Variants in CDH18 observed in about 807,000 individuals in gnomAD.
CDH18 encodes cadherin-18.
CDH18 carries 31 observed loss-of-function variants against 67.9 expected under a neutral mutation model. The ratio of observed to expected loss-of-function variants is 0.46; its 90% CI spans 0.34 to 0.62. The LOEUF (loss-of-function observed/expected upper bound fraction) is 0.62, where lower values mean the gene tolerates loss of function less well. Among genes scored for constraint, CDH18 ranks in the 20% least tolerant of loss-of-function variants. CDH18 has a pLI of 0.01. For missense variants in CDH18, 890 were observed against 975.5 expected (o/e 0.91, Z 1.17); for synonymous variants, 362 against 347.2 (o/e 1.04, Z -0.48).
chr5:20,542,739 C>A (rs1260101436), intron 1 of CDH18, among the ~76,000 whole-genome samples: 2 of 151,962 alleles, frequency 1.3e-5, no homozygotes, highest in African/African-American at 4.8e-5. Context: ...ATTTATGACA[C>A]CTCCAATATT....
chr5:20,150,638 GT>G (rs1751023641), intron 2 of CDH18, among the ~76,000 whole-genome samples: 1 of 151,902 alleles, frequency 6.6e-6, no homozygotes, highest in South Asian at 2.1e-4. Flanking sequence ...TATTTTTTAA[GT>G]TTTATATTTG....
At chr5:20,184,645 A>G (rs1737950864) in intron 2 of CDH18, among the ~76,000 whole-genome samples, 2 of 152,160 alleles carry the variant, frequency 1.3e-5, no homozygotes, top group African/African-American at 4.8e-5. Context: ...TACAGCAAGC[A>G]CTGTGTATTG....
intron 1 of CDH18, among the ~76,000 whole-genome samples, chr5:20,420,117 A>G (rs1035742010): frequency 6.6e-6 from 1 of 151,114 alleles, no homozygotes; most frequent in Non-Finnish European, 1.5e-5. Flanking sequence ...CAATGGCTGC[A>G]TTTTGTTGAA....
At chr5:20,233,159 A>AAT (rs958110312) in intron 2 of CDH18, among the ~76,000 whole-genome samples, 7 of 150,958 alleles carry the variant, frequency 4.6e-5, no homozygotes, top group South Asian at 2.1e-4. Context: ...TGTGTATCTG[A>AAT]ATATATATAT....
At chr5:19,766,866 G>C (rs1008971969) in intron 3 of CDH18, among the ~76,000 whole-genome samples, 8 of 152,088 alleles carry the variant, frequency 5.3e-5, no homozygotes, top group African/African-American at 1.9e-4. Flanking sequence ...TGATGCCAAA[G>C]AATGCCTTGT....
intron 1 of CDH18, among the ~76,000 whole-genome samples, chr5:20,472,645 CATCTGCCTGGGA>C: frequency 6.6e-6 from 1 of 152,340 alleles, no homozygotes; most frequent in Admixed American, 6.5e-5. Flanking sequence ...TTATATACCA[CATCTGCCTGGGA>C]ATCACCAGAA....
intron 2 of CDH18, among the ~76,000 whole-genome samples, chr5:20,242,361 C>T (rs1221505435): frequency 6.6e-6 from 1 of 151,308 alleles, no homozygotes; most frequent in African/African-American, 2.4e-5. Flanking sequence ...CAACATCTCC[C>T]TTTTCCCTGT....
chr5:19,987,792 G>A (rs1799720330), intron 1 of CDH18, among the ~76,000 whole-genome samples: 1 of 152,148 alleles, frequency 6.6e-6, no homozygotes, highest in Non-Finnish European at 1.5e-5. Context: ...CTTCTTCAGG[G>A]AAGACAACAG....
intron 1 of CDH18, among the ~76,000 whole-genome samples, chr5:20,387,918 C>T (rs1185232309): frequency 6.6e-6 from 1 of 152,034 alleles, no homozygotes; most frequent in Non-Finnish European, 1.5e-5. Context: ...GGATGAAGCC[C>T]ACTTGATCAT....
intron 10 of CDH18, among the ~76,000 whole-genome samples, chr5:19,509,063 T>G (rs1456229135): frequency 6.6e-6 from 1 of 151,936 alleles, no homozygotes; most frequent in East Asian, 1.9e-4. Flanking sequence ...GAAATGGGTT[T>G]TTGCTATGTT....
At chr5:19,521,588 C>G (rs938948875) in intron 9 of CDH18, among the ~76,000 whole-genome samples, 1 of 151,594 alleles carries the variant, frequency 6.6e-6, no homozygotes, top group Non-Finnish European at 1.5e-5. Context: ...TAACAACATA[C>G]AATACATTAA....
At chr5:19,720,364 G>A (rs535035953) in intron 5 of CDH18, among the ~76,000 whole-genome samples, 4 of 151,986 alleles carry the variant, frequency 2.6e-5, no homozygotes, top group African/African-American at 7.2e-5. Flanking sequence ...TGCATCTTGC[G>A]CTCAAGAAGG....
chr5:20,170,180 A>AC (rs1477006047), intron 2 of CDH18, among the ~76,000 whole-genome samples: 1 of 150,970 alleles, frequency 6.6e-6, no homozygotes, highest in Non-Finnish European at 1.5e-5. Flanking sequence ...CCCTCTTCTT[A>AC]CCCCACCCCC....
At chr5:20,362,741 G>A (rs1021434255) in intron 1 of CDH18, among the ~76,000 whole-genome samples, 12 of 152,010 alleles carry the variant, frequency 7.9e-5, no homozygotes, top group African/African-American at 2.7e-4. Flanking sequence ...CTTGTAGATC[G>A]ACTACCAACT....
intron 2 of CDH18, among the ~76,000 whole-genome samples, chr5:19,904,562 G>C (rs1248062708): frequency 2.6e-5 from 4 of 152,076 alleles, no homozygotes; most frequent in African/African-American, 4.8e-5. Flanking sequence ...CTCTTTATAC[G>C]TAAGTTCTTG....
chr5:20,148,709 C>T (rs1461986392), intron 2 of CDH18, among the ~76,000 whole-genome samples: 1 of 151,858 alleles, frequency 6.6e-6, no homozygotes, highest in East Asian at 1.9e-4. Flanking sequence ...GGTCTAAGGA[C>T]CATAAAACCT....
At chr5:19,899,680 A>G (rs577055378) in intron 2 of CDH18, among the ~76,000 whole-genome samples, 16 of 152,316 alleles carry the variant, frequency 1.1e-4, no homozygotes, top group Admixed American at 7.2e-4. Flanking sequence ...ATAATAGCCA[A>G]TATGTGAAAA....
intron 2 of CDH18, among the ~76,000 whole-genome samples, chr5:19,857,766 CTT>C (rs1437912895): frequency 1.3e-5 from 2 of 152,030 alleles, no homozygotes; most frequent in South Asian, 2.1e-4. Context: ...CTTAAGCAAA[CTT>C]AAGAAATTCA....
chr5:20,505,097 T>C (rs189355893), intron 1 of CDH18, among the ~76,000 whole-genome samples: 2 of 151,066 alleles, frequency 1.3e-5, no homozygotes, highest in African/African-American at 4.9e-5. Context: ...AAGTTACTAG[T>C]AAAAAAAAAT....
Sources: gnomAD v4.1 joint callset for allele counts (sites outside exome capture counted in the v4.1 genomes callset) on GRCh38, gnomAD v4.1.1 for gene constraint, MANE v1.5 for transcripts, NCBI Gene and HGNC (gene_info 2026-07-23, HGNC 2026-07-21) for gene names.